Variants in DDX46 observed in about 807,000 individuals in gnomAD.
DDX46 encodes the protein probable ATP-dependent RNA helicase DDX46.
DDX46 carries 30 observed loss-of-function variants against 134.9 expected under a neutral mutation model. That is an observed-to-expected ratio of 0.22 (90% CI 0.17 to 0.30). The LOEUF is 0.30. Ranked by LOEUF, DDX46 falls within the 10% of genes least tolerant of loss-of-function variation. DDX46 has a pLI of 1.00. For missense variants in DDX46, 622 were observed against 1,248.7 expected (o/e 0.50, Z 7.56); for synonymous variants, 415 against 404.1 (o/e 1.03, Z -0.32).
intron 1 of DDX46, among the ~76,000 whole-genome samples, chr5:134,760,521 A>G (rs756455026): frequency 6.6e-6 from 1 of 152,206 alleles, no homozygotes; most frequent in African/African-American, 2.4e-5. Context: ...GAAGATTTTG[A>G]GTAAAAAGTG....
At position 134,758,794 on chromosome 5, in the gene DDX46, G is replaced by A. The variant is rs1463617397; in HGVS notation, c.-145G>A. 3 of 1,318,756 alleles carry A rather than the reference G, an allele frequency of 2.3e-6. No homozygotes were observed. The highest frequency in any genetic ancestry group is 2.9e-5 in the African/African-American group (2 of 68,766). 81.7% of individuals were successfully genotyped at this position (1,318,756 alleles called of 1,614,324 possible). ...CCAGCACGTCCTGTTTTCGTTGGCCGCGCTGGGATGGCCGCCACAGCTGTA... is the reference window on the plus strand; with the variant it reads ...CCAGCACGTCCTGTTTTCGTTGGCCACGCTGGGATGGCCGCCACAGCTGTA... On this transcript the variant is annotated 5_prime_UTR_variant, in exon 1 of 23. Coordinates refer to ENST00000452510, the MANE Select transcript of DDX46 (RefSeq NM_001300860.2).
chr5:134,794,796 A>G (rs1754601078), intron 13 of DDX46, 54 bp from the exon 14 acceptor site: 1 of 1,591,600 alleles, frequency 6.3e-7, no homozygotes, highest in Non-Finnish European at 8.6e-7. Flanking sequence ...AACATTGCAT[A>G]AGCTTTGAAG....
At chr5:134,814,172 T>C (rs1755224699) in intron 18 of DDX46, among the ~76,000 whole-genome samples, 1 of 152,172 alleles carries the variant, frequency 6.6e-6, no homozygotes, top group South Asian at 2.1e-4. Flanking sequence ...TTGTTGTTAA[T>C]CTCTTAACTG....
intron 1 of DDX46, 42 bp downstream of exon 1, chr5:134,758,997 T>G (rs781535329): frequency 1.9e-6 from 3 of 1,604,422 alleles, no homozygotes; most frequent in Non-Finnish European, 2.5e-6. Context: ...GAGCGGCTTC[T>G]TGGGGTCGTG....
At chr5:134,771,603 A>G (rs865909230) in intron 4 of DDX46, among the ~76,000 whole-genome samples, 2 of 150,342 alleles carry the variant, frequency 1.3e-5, no homozygotes, top group South Asian at 4.2e-4. Context: ...TTGGGAGGCT[A>G]AGCCAGGAGA....
At chr5:134,807,401 C>G (rs1486386248) in intron 15 of DDX46, among the ~76,000 whole-genome samples, 1 of 152,088 alleles carries the variant, frequency 6.6e-6, no homozygotes, top group African/African-American at 2.4e-5. Flanking sequence ...TCTAAATAAC[C>G]TACAGGGAAA....
intron 2 of DDX46, among the ~76,000 whole-genome samples, chr5:134,764,811 C>T (rs1349842331): frequency 1.3e-5 from 2 of 149,444 alleles, no homozygotes; most frequent in East Asian, 2.0e-4. Flanking sequence ...TCCTTCCTCT[C>T]TCCCTCCTTC....
intron 12 of DDX46, among the ~76,000 whole-genome samples, chr5:134,788,971 T>C (rs894786164): frequency 5.3e-5 from 8 of 152,356 alleles, no homozygotes; most frequent in African/African-American, 1.4e-4. Flanking sequence ...TAATCCAGTT[T>C]TGGCCTGGCT....
intron 21 of DDX46, among the ~76,000 whole-genome samples, chr5:134,823,262 C>T (rs899217141): frequency 6.6e-6 from 1 of 150,458 alleles, no homozygotes; most frequent in East Asian, 2.0e-4. Flanking sequence ...CTGGCAGCCT[C>T]CCAAGTAGCT....
intron 18 of DDX46, among the ~76,000 whole-genome samples, chr5:134,812,966 G>A (rs956013774): frequency 2.7e-5 from 4 of 150,196 alleles, no homozygotes; most frequent in South Asian, 2.1e-4. Context: ...TTTTTGAGAC[G>A]GAGTCTCGCT....
intron 18 of DDX46, 144 bp from the exon 19 acceptor site, chr5:134,816,286 G>A (rs1362566979): frequency 2.9e-6 from 2 of 688,630 alleles, no homozygotes; most frequent in East Asian, 6.3e-5. Flanking sequence ...TTTTCCCATG[G>A]ATCTGTGTAG....
intron 11 of DDX46, among the ~76,000 whole-genome samples, 157 bp from the exon 12 acceptor site, chr5:134,788,356 G>A (rs778435533): frequency 2.6e-5 from 4 of 151,972 alleles, no homozygotes; most frequent in Non-Finnish European, 2.9e-5. Flanking sequence ...ATGTGGTCAC[G>A]TTGTTGCTAT....
Position 134,780,098 on chromosome 5 carries a change from ATGTGTGTGTGTG to A in DDX46, c.766-1005_766-994del, listed in dbSNP as rs71583216. 5.5e-4 allele frequency among the ~76,000 whole-genome samples: 77 copies of A among 139,578 alleles called. 1 individual carries two copies. Among genetic ancestry groups the A allele is most frequent in the South Asian group, 4.5e-3 (20 of 4,436 alleles). The allele number at this position is 139,578 out of a possible 152,430, so 91.6% of individuals were successfully genotyped here. A position where few individuals can be genotyped will look rare whatever the true frequency, so the allele number is the denominator to read the frequency against. On this transcript the variant is annotated intron_variant, in intron 6 of 22. Transcript: ENST00000452510. ...ATAAGACTCAGTCTGAAAAAAATAT[ATGTGTGTGTGTG>A]TGTGTGTGTGTGTGTGTGTGTGTGT...
At chr5:134,785,620 C>G (rs748328592) in intron 11 of DDX46, 34 bp downstream of exon 11, 1 of 1,568,584 alleles carries the variant, frequency 6.4e-7, no homozygotes, top group East Asian at 2.3e-5. Context: ...GTTTTCCATT[C>G]TTTTCTCAAG....
At chr5:134,788,701 T>G in intron 12 of DDX46, 110 bp downstream of exon 12, 1 of 982,816 alleles carries the variant, frequency 1.0e-6, no homozygotes, top group Non-Finnish European at 1.5e-6. Context: ...TTCTTAAAGC[T>G]GCAGTATCTT....
intron 15 of DDX46, among the ~76,000 whole-genome samples, chr5:134,806,242 CAG>C (rs1754983349): frequency 1.3e-5 from 2 of 150,892 alleles, no homozygotes; most frequent in African/African-American, 2.4e-5. Flanking sequence ...ATCCTGAAAA[CAG>C]AAAGTTTGAG....
At chr5:134,805,550 CAG>C (rs1042233837) in intron 15 of DDX46, among the ~76,000 whole-genome samples, 29 of 147,268 alleles carry the variant, frequency 2.0e-4, no homozygotes, top group African/African-American at 7.3e-4. Context: ...TTTTTTGAGA[CAG>C]AGTTTTACTC....
chr5:134,821,293 C>T (rs1263221864), intron 21 of DDX46, among the ~76,000 whole-genome samples: 6 of 151,770 alleles, frequency 4.0e-5, no homozygotes, highest in Non-Finnish European at 7.4e-5. Flanking sequence ...CCGCCCGCCT[C>T]GGCCTCCCAA....
At chr5:134,820,746 T>TA in intron 21 of DDX46, among the ~76,000 whole-genome samples, 1 of 152,346 alleles carries the variant, frequency 6.6e-6, no homozygotes, top group South Asian at 2.1e-4. Context: ...TCGTGAAACT[T>TA]AAACAGGATT....
Sources: gnomAD v4.1 joint callset for allele counts (sites outside exome capture counted in the v4.1 genomes callset) on GRCh38, gnomAD v4.1.1 for gene constraint, MANE v1.5 for transcripts, NCBI Gene and HGNC (gene_info 2026-07-23, HGNC 2026-07-21) for gene names.